DLGAP1: variants seen among roughly 807,000 people sequenced by gnomAD.
DLGAP1 encodes DLG associated protein 1.
DLGAP1 carries 11 observed loss-of-function variants against 90.8 expected under a neutral mutation model. The observed-to-expected ratio is 0.12, with a 90% CI of 0.08 to 0.20. The LOEUF (loss-of-function observed/expected upper bound fraction) is 0.20, where lower values mean the gene tolerates loss of function less well. DLGAP1 is among the 10% of genes least tolerant of loss of function. The pLI is 1.00. For missense variants in DLGAP1, 1,050 were observed against 1,333.8 expected (o/e 0.79, Z 3.31); for synonymous variants, 558 against 540.7 (o/e 1.03, Z -0.44).
intron 8 of DLGAP1, among the ~76,000 whole-genome samples, chr18:3,574,032 A>G (rs1465091922): frequency 1.3e-5 from 2 of 152,188 alleles, no homozygotes; most frequent in Non-Finnish European, 2.9e-5. Flanking sequence ...TCCCTCTTGC[A>G]TCGGTATTAG....
intron 1 of DLGAP1, among the ~76,000 whole-genome samples, chr18:4,414,065 G>T (rs3850790): frequency 0.39 from 58,671 of 151,894 alleles, 11,696 homozygotes; most frequent in Non-Finnish European, 0.43. Context: ...ATGTGAAGCT[G>T]GTCAAATCTT....
At chr18:4,211,343 A>G (rs1356665922) in intron 1 of DLGAP1, among the ~76,000 whole-genome samples, 5 of 152,216 alleles carry the variant, frequency 3.3e-5, no homozygotes, top group Non-Finnish European at 7.3e-5. Context: ...AAAATGATGG[A>G]CCAACATGAT....
At chr18:4,239,684 A>G (rs754040366) in intron 1 of DLGAP1, among the ~76,000 whole-genome samples, 14 of 152,194 alleles carry the variant, frequency 9.2e-5, no homozygotes, top group Non-Finnish European at 1.6e-4. Context: ...TCCTCAAATG[A>G]GATGCTAAAC....
chr18:4,175,266 TG>T (rs2077088006), intron 1 of DLGAP1, among the ~76,000 whole-genome samples: 2 of 152,202 alleles, frequency 1.3e-5, no homozygotes, highest in South Asian at 2.1e-4. Context: ...TTGATGGGGT[TG>T]TTTTTTTTCT....
chr18:3,777,397 G>C (rs974029388), intron 5 of DLGAP1, among the ~76,000 whole-genome samples: 4 of 152,176 alleles, frequency 2.6e-5, no homozygotes, highest in African/African-American at 9.7e-5. Context: ...GGAAGAAACT[G>C]AATATGTTAG....
intron 1 of DLGAP1, among the ~76,000 whole-genome samples, chr18:4,286,305 A>G (rs1241779279): frequency 6.6e-6 from 1 of 152,180 alleles, no homozygotes; most frequent in East Asian, 1.9e-4. Context: ...ATTTGAAAGG[A>G]AACAACACCA....
chr18:4,275,599 G>GTTTTTTT, intron 1 of DLGAP1, among the ~76,000 whole-genome samples: 1 of 149,482 alleles, frequency 6.7e-6, no homozygotes, highest in Non-Finnish European at 1.5e-5. Flanking sequence ...GATTTTAGCT[G>GTTTTTTT]TTTTTTTTTT....
chr18:3,961,825 C>T (rs1167775367), intron 3 of DLGAP1, among the ~76,000 whole-genome samples: 1 of 152,188 alleles, frequency 6.6e-6, no homozygotes. Flanking sequence ...GCAGACTCAT[C>T]ATGCTGCTGT....
intron 1 of DLGAP1, among the ~76,000 whole-genome samples, chr18:4,352,465 T>C (rs1238604758): frequency 1.3e-5 from 2 of 152,096 alleles, no homozygotes; most frequent in Admixed American, 1.3e-4. Context: ...TCAATGAAAG[T>C]CACTGTTCTG....
intron 1 of DLGAP1, among the ~76,000 whole-genome samples, chr18:4,166,273 C>A (rs12458465): frequency 0.19 from 28,214 of 152,122 alleles, 3,299 homozygotes; most frequent in Middle Eastern, 0.28. Context: ...TGAAAAGATG[C>A]TCAATATCAC....
intron 2 of DLGAP1, among the ~76,000 whole-genome samples, chr18:4,012,042 A>G (rs536644860): frequency 6.6e-6 from 1 of 151,818 alleles, no homozygotes; most frequent in East Asian, 2.0e-4. Context: ...TTGGGCATCC[A>G]TCTCTCCCTT....
At chr18:4,448,726 C>T (rs1042881295) in intron 1 of DLGAP1, among the ~76,000 whole-genome samples, 7 of 152,114 alleles carry the variant, frequency 4.6e-5, no homozygotes, top group African/African-American at 1.7e-4. Context: ...GAACAGAATA[C>T]ACTACATGTC....
chr18:3,899,479 T>G (rs2071735528), intron 3 of DLGAP1, among the ~76,000 whole-genome samples: 1 of 152,216 alleles, frequency 6.6e-6, no homozygotes, highest in Non-Finnish European at 1.5e-5. Flanking sequence ...GTTAAAAGGA[T>G]GTTGCTTGCA....
chr18:4,294,308 C>T (rs893874859), intron 1 of DLGAP1: 1 of 152,224 alleles, frequency 6.6e-6, no homozygotes, highest in Non-Finnish European at 1.5e-5. Flanking sequence ...GGATACAACC[C>T]CAATGTCACC....
chr18:3,817,473 C>G lies in DLGAP1; in HGVS notation c.958-3200G>C. ...GAATAGTAATACATTATTTATATACCTAAAGGTAGCATACAACAAGATTAC... is the reference window on the plus strand; with the variant it reads ...GAATAGTAATACATTATTTATATACGTAAAGGTAGCATACAACAAGATTAC... On this transcript the variant is annotated intron_variant, in intron 4 of 12. Coordinates refer to ENST00000315677, the MANE Select transcript of DLGAP1 (RefSeq NM_004746.4). 1.3e-5 allele frequency among the ~76,000 whole-genome samples: 2 copies of G among 151,986 alleles called. 1 individual carries two copies. Among genetic ancestry groups the G allele is most frequent in the Non-Finnish European group, 2.9e-5 (2 of 67,988 alleles).
intron 2 of DLGAP1, among the ~76,000 whole-genome samples, chr18:4,130,826 G>C (rs542329809): frequency 6.6e-6 from 1 of 152,172 alleles, no homozygotes; most frequent in African/African-American, 2.4e-5. Flanking sequence ...ATGGAGGACA[G>C]AGGAGGCAGG....
At position 3,499,048 on chromosome 18, in the gene DLGAP1, TG is replaced by T; in HGVS notation, c.*136del. 1 of 748,406 alleles carries T rather than the reference TG, an allele frequency of 1.3e-6. No homozygotes were observed. Among genetic ancestry groups the T allele is most frequent in the Non-Finnish European group, 2.0e-6 (1 of 499,058 alleles). 46.4% of individuals were successfully genotyped at this position (748,406 alleles called of 1,614,324 possible). A position where few individuals can be genotyped will look rare whatever the true frequency, so the allele number is the denominator to read the frequency against. ...GGCCCGGGGGGCGGCTCCTGCGAGG[TG>T]GACAACTACACCGCGACAGTGGAAG... On this transcript the variant is annotated 3_prime_UTR_variant, in exon 13 of 13. Coordinates refer to ENST00000315677, the MANE Select transcript of DLGAP1 (RefSeq NM_004746.4). The surrounding 1 kb of genome is among the most constrained non-coding windows in gnomAD (Gnocchi z 6.4).
chr18:4,219,670 A>G (rs1408799018), intron 1 of DLGAP1, among the ~76,000 whole-genome samples: 1 of 152,042 alleles, frequency 6.6e-6, no homozygotes, highest in Non-Finnish European at 1.5e-5. Context: ...GGTATTAACT[A>G]AGCATCTAAT....
chr18:4,275,548 TCCTTCTC>T (rs1165231546), intron 1 of DLGAP1, among the ~76,000 whole-genome samples: 1 of 152,090 alleles, frequency 6.6e-6, no homozygotes, highest in Non-Finnish European at 1.5e-5. Flanking sequence ...TATGTTTTGG[TCCTTCTC>T]CCCATGCTAG....
Sources: gnomAD v4.1 joint callset for allele counts (sites outside exome capture counted in the v4.1 genomes callset) on GRCh38, gnomAD v4.1.1 for gene constraint, Gnocchi (gnomAD v3.1) non-coding constraint, MANE v1.5 for transcripts, NCBI Gene and HGNC (gene_info 2026-07-23, HGNC 2026-07-21) for gene names.